SSBP2: variants seen among roughly 807,000 people sequenced by gnomAD.
SSBP2 encodes the protein single-stranded DNA-binding protein 2.
A neutral mutation model predicts 61.8 loss-of-function variants in SSBP2; 17 were observed. The observed-to-expected ratio is 0.28, with a 90% CI of 0.19 to 0.41. The LOEUF is 0.41. SSBP2 is among the 10% of genes least tolerant of loss of function. The probability of loss-of-function intolerance (pLI) is 1.00; values close to 1 mark genes in which losing one functional copy is unlikely to be tolerated. For missense variants in SSBP2, 310 were observed against 458.7 expected (o/e 0.68, Z 2.96); for synonymous variants, 139 against 141.3 (o/e 0.98, Z 0.12).
At chr5:81,465,598 T>G (rs1485571356) in intron 9 of SSBP2, among the ~76,000 whole-genome samples, 1 of 152,078 alleles carries the variant, frequency 6.6e-6, no homozygotes, top group East Asian at 1.9e-4. Context: ...GGGGTGATCA[T>G]AGTATTCAAA....
chr5:81,551,023 G>A (rs938381429), intron 4 of SSBP2, among the ~76,000 whole-genome samples: 2 of 148,448 alleles, frequency 1.3e-5, no homozygotes, highest in East Asian at 2.0e-4. Flanking sequence ...ATGAACCCGG[G>A]AGGTAGATCT....
At position 81,710,888 on chromosome 5, in the gene SSBP2, A is replaced by T. The variant is rs1754730246; in HGVS notation, c.62+40093T>A. On this transcript the variant is annotated intron_variant, in intron 1 of 16. Coordinates refer to ENST00000320672, the MANE Select transcript of SSBP2 (RefSeq NM_012446.5). ...AGAAATCTGCAAATCAAGTTTAAAAAGTAAATCTTTTTCCAAGATTTGTTA... is the reference window on the plus strand; with the variant it reads ...AGAAATCTGCAAATCAAGTTTAAAATGTAAATCTTTTTCCAAGATTTGTTA... 8 of 261,880 alleles carry T rather than the reference A, an allele frequency of 3.1e-5. No homozygotes were observed. In the South Asian group the frequency reaches 3.2e-4, roughly 10 times the overall value. 16.2% of individuals were successfully genotyped at this position (261,880 alleles called of 1,614,324 possible).
chr5:81,458,602 C>G (rs965611911), intron 10 of SSBP2, among the ~76,000 whole-genome samples: 8 of 152,064 alleles, frequency 5.3e-5, no homozygotes, highest in South Asian at 4.1e-4. Context: ...AAAAACAAAA[C>G]AAACAACTAC....
chr5:81,518,698 T>C (rs1220201753), intron 4 of SSBP2, among the ~76,000 whole-genome samples: 1 of 152,158 alleles, frequency 6.6e-6, no homozygotes, highest in East Asian at 1.9e-4. Flanking sequence ...TATCTTATGT[T>C]GGCAACTTTA....
At chr5:81,687,390 G>C (rs939329769) in intron 1 of SSBP2, among the ~76,000 whole-genome samples, 2 of 152,190 alleles carry the variant, frequency 1.3e-5, no homozygotes, top group African/African-American at 4.8e-5. Context: ...AGTGTTTGGT[G>C]CTAAATAAAC....
intron 16 of SSBP2, among the ~76,000 whole-genome samples, chr5:81,424,857 C>A (rs1008210271): frequency 1.3e-5 from 2 of 152,146 alleles, no homozygotes; most frequent in African/African-American, 4.8e-5. Context: ...TGTACTGAGA[C>A]CACACTTCAA....
At chr5:81,541,542 C>G (rs1043104117) in intron 4 of SSBP2, among the ~76,000 whole-genome samples, 1 of 151,778 alleles carries the variant, frequency 6.6e-6, no homozygotes, top group Admixed American at 6.6e-5. Flanking sequence ...TACAATAAGC[C>G]AAAACAGCAT....
intron 4 of SSBP2, among the ~76,000 whole-genome samples, chr5:81,579,171 A>G (rs1029081737): frequency 3.3e-4 from 50 of 152,254 alleles, no homozygotes; most frequent in African/African-American, 1.1e-3. Context: ...TCATAGAAGA[A>G]TAAAAGGAAA....
At chr5:81,528,963 A>T (rs1403206120) in intron 4 of SSBP2, among the ~76,000 whole-genome samples, 1 of 152,082 alleles carries the variant, frequency 6.6e-6, no homozygotes, top group African/African-American at 2.4e-5. Context: ...TAGACTAAAA[A>T]TCAGATTTTC....
intron 6 of SSBP2, among the ~76,000 whole-genome samples, chr5:81,488,320 C>T (rs1410955536): frequency 1.3e-5 from 2 of 151,638 alleles, no homozygotes; most frequent in Non-Finnish European, 2.9e-5. Context: ...ATGGCTGTAC[C>T]AAGTTACTTT....
At chr5:81,583,009 C>T (rs1774776735) in intron 4 of SSBP2, among the ~76,000 whole-genome samples, 1 of 151,398 alleles carries the variant, frequency 6.6e-6, no homozygotes, top group Non-Finnish European at 1.5e-5. Flanking sequence ...TAACTTAAGG[C>T]CTGGAATTTG....
At chr5:81,600,263 A>T (rs901399717) in intron 4 of SSBP2, among the ~76,000 whole-genome samples, 1 of 152,122 alleles carries the variant, frequency 6.6e-6, no homozygotes, top group African/African-American at 2.4e-5. Flanking sequence ...TCCTACATAC[A>T]TTTTAGTCAG....
chr5:81,626,687 C>T (rs1397267495), intron 3 of SSBP2, among the ~76,000 whole-genome samples: 3 of 151,278 alleles, frequency 2.0e-5, no homozygotes, highest in African/African-American at 7.4e-5. Context: ...TGGCAACCAC[C>T]CCCTCACCCT....
chr5:81,661,728 T>C (rs1443120979), intron 1 of SSBP2, among the ~76,000 whole-genome samples: 2 of 152,196 alleles, frequency 1.3e-5, no homozygotes, highest in Non-Finnish European at 2.9e-5. Context: ...TGAATTCCTT[T>C]ACATATTTTT....
chr5:81,749,121 C>A (rs1757541836), intron 1 of SSBP2, among the ~76,000 whole-genome samples: 1 of 152,134 alleles, frequency 6.6e-6, no homozygotes, highest in Non-Finnish European at 1.5e-5. Context: ...TTATCAGGCA[C>A]ATTATAACAA....
chr5:81,463,026 A>C (rs1368536945), intron 9 of SSBP2, among the ~76,000 whole-genome samples: 1 of 152,052 alleles, frequency 6.6e-6, no homozygotes, highest in Admixed American at 6.6e-5. Flanking sequence ...AATTGCATTA[A>C]ATTAAATGTT....
chr5:81,639,174 C>T (rs950013371), intron 2 of SSBP2, among the ~76,000 whole-genome samples: 7 of 151,956 alleles, frequency 4.6e-5, no homozygotes, highest in African/African-American at 1.5e-4. Context: ...TAAATAAATT[C>T]GTGATTTGAG....
intron 6 of SSBP2, among the ~76,000 whole-genome samples, chr5:81,481,995 G>A (rs993135748): frequency 1.3e-5 from 2 of 151,922 alleles, no homozygotes; most frequent in African/African-American, 4.8e-5. Context: ...AGGCTGGGGT[G>A]CAGTGGTGCA....
At chr5:81,611,750 G>GA (rs1294452872) in intron 4 of SSBP2, among the ~76,000 whole-genome samples, 1 of 151,842 alleles carries the variant, frequency 6.6e-6, no homozygotes, top group Non-Finnish European at 1.5e-5. Flanking sequence ...TACATACTTT[G>GA]AAAAAATATA....
Sources: allele counts gnomAD v4.1 joint callset (sites outside exome capture counted in the v4.1 genomes callset), GRCh38; gene constraint gnomAD v4.1.1; transcripts MANE v1.5; gene names NCBI Gene and HGNC (gene_info 2026-07-23, HGNC 2026-07-21).